Variants in GPR89B observed in about 807,000 individuals in gnomAD.
The protein encoded by GPR89B is G protein-coupled receptor 89B.
A neutral mutation model predicts 52.4 loss-of-function variants in GPR89B; 25 were observed. The observed-to-expected ratio is 0.48, with a 90% confidence interval of 0.35 to 0.67. The LOEUF (loss-of-function observed/expected upper bound fraction) is 0.67, where lower values mean the gene tolerates loss of function less well. GPR89B is among the 30% of genes least tolerant of loss of function. The pLI is 0.01. For missense variants in GPR89B, 146 were observed against 450.2 expected (o/e 0.32, Z 6.11); for synonymous variants, 52 against 151.2 (o/e 0.34, Z 4.81).
At chr1:148,019,502 A>G in the GPR89B span, among the ~76,000 whole-genome samples, 1 of 151,934 alleles carries the variant, frequency 6.6e-6, no homozygotes, top group South Asian at 2.1e-4. Flanking sequence ...TGATGGGAAG[A>G]TCTGTGCATC....
At chr1:147,949,385 G>T (rs587681180) in intron 5 of GPR89B, among the ~76,000 whole-genome samples, 1 of 141,836 alleles carries the variant, frequency 7.1e-6, no homozygotes, top group Non-Finnish European at 1.5e-5. Flanking sequence ...TGGCTGGGCG[G>T]GGGGCTGACC....
chr1:148,015,327 C>G, the GPR89B span, among the ~76,000 whole-genome samples: 21 of 141,350 alleles, frequency 1.5e-4, 1 homozygote, highest in Admixed American at 1.2e-3. Context: ...CTCTCTCTCT[C>G]TCTCTCTCGA....
At chr1:147,995,124 G>A (rs1349208889), downstream of GPR89B, among the ~76,000 whole-genome samples, 2 of 151,802 alleles carry the variant, frequency 1.3e-5, no homozygotes, top group African/African-American at 2.4e-5. Context: ...CCACTTACAT[G>A]CTCACTATGA....
At chr1:147,932,404 A>C (rs1473619461) in intron 1 of GPR89B, among the ~76,000 whole-genome samples, 1 of 152,056 alleles carries the variant, frequency 6.6e-6, no homozygotes, top group Non-Finnish European at 1.5e-5. Context: ...ACTAATACAG[A>C]GGCCTGAAGG....
At chr1:148,009,487 C>T in the GPR89B span, 19 of 1,599,612 alleles carry the variant, frequency 1.2e-5, no homozygotes, top group South Asian at 2.1e-4. Context: ...TGACTTTGAC[C>T]CAACTCTTTC....
At chr1:147,956,994 C>T (rs1571268256) in intron 7 of GPR89B, among the ~76,000 whole-genome samples, 1 of 151,934 alleles carries the variant, frequency 6.6e-6, no homozygotes, top group Non-Finnish European at 1.5e-5. Flanking sequence ...CCACCTTGGC[C>T]TCCCAAAGTG....
the GPR89B span, among the ~76,000 whole-genome samples, chr1:148,020,654 C>T: frequency 3.3e-3 from 498 of 151,956 alleles, 1 homozygote; most frequent in Non-Finnish European, 5.4e-3. Flanking sequence ...TGGGTTCTTT[C>T]CGTAGCGGAA....
At chr1:147,949,723 T>A (rs1655401825) in intron 5 of GPR89B, among the ~76,000 whole-genome samples, 2 of 127,596 alleles carry the variant, frequency 1.6e-5, no homozygotes, top group South Asian at 2.6e-4. Flanking sequence ...GCAGAGGGGA[T>A]CCTCACTTCC....
the GPR89B span, chr1:148,014,294 T>C: frequency 4.0e-5 from 6 of 151,894 alleles, no homozygotes; most frequent in African/African-American, 1.2e-4. Flanking sequence ...GACAGAGAGC[T>C]CACATCTGTC....
rs1430283943 is a variant in GPR89B, at chr1:147,993,571, A to G, written c.*654A>G. ...CTTGATTTCCTGTGAACTTAGTATT[A>G]TACCCTACTTTCAATTCGGTAGTGA... On this transcript the variant is annotated 3_prime_UTR_variant, in exon 14 of 14. Coordinates refer to ENST00000314163, the MANE Select transcript of GPR89B (RefSeq NM_016334.5). 1 of 162,882 alleles carries G rather than the reference A, an allele frequency of 6.1e-6. No individual in the cohort carries two copies. The highest frequency in any genetic ancestry group is 2.4e-5 in the African/African-American group (1 of 41,452). The allele number at this position is 162,882 out of a possible 1,614,324, so 10.1% of individuals were successfully genotyped here.
chr1:147,940,173 G>GT (rs1553248662), intron 3 of GPR89B, among the ~76,000 whole-genome samples: 1 of 152,006 alleles, frequency 6.6e-6, no homozygotes, highest in Non-Finnish European at 1.5e-5. Context: ...GGAGGCCAAG[G>GT]CGGGCGGATC....
At chr1:147,952,414 G>C (rs1553251214) in intron 5 of GPR89B, among the ~76,000 whole-genome samples, 1 of 151,558 alleles carries the variant, frequency 6.6e-6, no homozygotes, top group African/African-American at 2.4e-5. Flanking sequence ...GAATGGAGAA[G>C]CAGAAGACCA....
the GPR89B span, among the ~76,000 whole-genome samples, chr1:148,023,379 T>A: frequency 2.0e-5 from 3 of 146,846 alleles, 1 homozygote; most frequent in African/African-American, 7.9e-5. Flanking sequence ...TCTTTGCTAT[T>A]GTGAATAGCC....
chr1:147,971,462 G>GTTT, intron 10 of GPR89B, among the ~76,000 whole-genome samples: 1 of 123,974 alleles, frequency 8.1e-6, no homozygotes, highest in African/African-American at 3.2e-5. Flanking sequence ...AGGGAAGCAT[G>GTTT]TCTTTTTTTT....
intron 10 of GPR89B, among the ~76,000 whole-genome samples, chr1:147,980,473 A>AT (rs1658153303): frequency 1.7e-5 from 2 of 119,996 alleles, no homozygotes; most frequent in African/African-American, 3.4e-5. Flanking sequence ...TTGGCATGAT[A>AT]TTGCTCATAA....
In GPR89B at chr1:147,978,628, G is replaced by A. The variant is rs1490100111; in HGVS notation, c.910-7571G>A. Reference sequence around the variant, plus strand: ...ACGATAGTCACCCCTGCCCCCAGGGGCTCCTTCCCAGGGAGATCAGTTCTG... The same window carrying A: ...ACGATAGTCACCCCTGCCCCCAGGGACTCCTTCCCAGGGAGATCAGTTCTG... On this transcript the variant is annotated intron_variant, in intron 10 of 13. Coordinates refer to ENST00000314163, the MANE Select transcript of GPR89B (RefSeq NM_016334.5). Among the ~76,000 whole-genome samples, 795 of 151,462 alleles carry A rather than the reference G, an allele frequency of 5.2e-3. 30 individuals carry two copies. Among genetic ancestry groups the A allele is most frequent in the Admixed American group, 0.043 (663 of 15,258 alleles).
At chr1:147,957,052 T>A (rs1488466684) in intron 7 of GPR89B, among the ~76,000 whole-genome samples, 10 of 151,870 alleles carry the variant, frequency 6.6e-5, no homozygotes, top group Non-Finnish European at 1.2e-4. Flanking sequence ...TTGTCCTGAA[T>A]TTTTTTAAGT....
At chr1:147,969,551 G>A (rs2149076951) in intron 9 of GPR89B, 1 of 264,142 alleles carries the variant, frequency 3.8e-6, no homozygotes, top group South Asian at 4.1e-5. Flanking sequence ...CTCACCAGCT[G>A]TGTGACTTTG....
intron 11 of GPR89B, among the ~76,000 whole-genome samples, chr1:147,986,744 G>A (rs1196592843): frequency 6.6e-6 from 1 of 151,484 alleles, no homozygotes; most frequent in Non-Finnish European, 1.5e-5. Context: ...AATGATTTCT[G>A]CTGTAAGAAA....
Sources: gnomAD v4.1 joint callset for allele counts (sites outside exome capture counted in the v4.1 genomes callset) on GRCh38, gnomAD v4.1.1 for gene constraint, MANE v1.5 for transcripts, NCBI Gene and HGNC (gene_info 2026-07-23, HGNC 2026-07-21) for gene names.